Variants in RAD51B observed in about 807,000 individuals in gnomAD.
RAD51B encodes the protein RAD51 paralog B, also known as DNA repair protein RAD51 homolog 2.
In RAD51B, 38 loss-of-function variants were observed where a neutral mutation model predicts 42.2. The observed-to-expected ratio is 0.90, with a 90% CI of 0.70 to 1.18. The LOEUF (loss-of-function observed/expected upper bound fraction) is 1.18, where lower values mean the gene tolerates loss of function less well. Ranked by LOEUF, RAD51B falls within the 50% of genes most tolerant of loss-of-function variation. The pLI, the probability that RAD51B is intolerant of heterozygous loss-of-function variation, is 0.00. For missense variants in RAD51B, 373 were observed against 400.7 expected (o/e 0.93, Z 0.59); for synonymous variants, 154 against 145.2 (o/e 1.06, Z -0.43).
At chr14:68,151,979 G>T (rs2078397788) in intron 7 of RAD51B, among the ~76,000 whole-genome samples, 1 of 151,556 alleles carries the variant, frequency 6.6e-6, no homozygotes, top group Non-Finnish European at 1.5e-5. Context: ...GAGTAGCTGG[G>T]ATTACAGGCA....
chr14:68,560,789 A>G (rs966480404), intron 10 of RAD51B, among the ~76,000 whole-genome samples: 1 of 151,544 alleles, frequency 6.6e-6, no homozygotes, highest in Admixed American at 6.6e-5. Flanking sequence ...CCCGCCCCAC[A>G]CACACTTCTG....
At chr14:68,355,805 A>C (rs2082887092) in intron 8 of RAD51B, among the ~76,000 whole-genome samples, 2 of 152,222 alleles carry the variant, frequency 1.3e-5, no homozygotes, top group Non-Finnish European at 2.9e-5. Flanking sequence ...TTGTTAGAAA[A>C]CAAGAGTGTA....
intron 7 of RAD51B, among the ~76,000 whole-genome samples, chr14:68,117,811 A>G (rs2077575643): frequency 1.3e-5 from 2 of 152,198 alleles, no homozygotes; most frequent in South Asian, 2.1e-4. Context: ...AATGAGTGCT[A>G]TTCTTCAATG....
intron 8 of RAD51B, among the ~76,000 whole-genome samples, chr14:68,321,080 C>T (rs2082149405): frequency 6.6e-6 from 1 of 152,186 alleles, no homozygotes; most frequent in African/African-American, 2.4e-5. Context: ...GTTTCTCCTA[C>T]TTCCTGTTTC....
chr14:68,519,197 G>A (rs752784638), intron 10 of RAD51B, among the ~76,000 whole-genome samples: 3 of 152,146 alleles, frequency 2.0e-5, no homozygotes, highest in Non-Finnish European at 4.4e-5. Flanking sequence ...CCTCCACTGT[G>A]GCTATTGTCA....
intron 5 of RAD51B, among the ~76,000 whole-genome samples, chr14:67,881,363 G>T (rs913017386): frequency 6.6e-6 from 1 of 152,136 alleles, no homozygotes; most frequent in African/African-American, 2.4e-5. Context: ...CACCCTGTGT[G>T]GGCACTAGGA....
chr14:68,210,573 G>A (rs915240437), intron 7 of RAD51B, among the ~76,000 whole-genome samples: 1 of 152,142 alleles, frequency 6.6e-6, no homozygotes, highest in Non-Finnish European at 1.5e-5. Flanking sequence ...GTGGCCTTCA[G>A]TGAATTCTGC....
At chr14:68,001,075 T>C (rs892687208) in intron 7 of RAD51B, among the ~76,000 whole-genome samples, 1 of 152,200 alleles carries the variant, frequency 6.6e-6, no homozygotes, top group Non-Finnish European at 1.5e-5. Context: ...GTTAGATTTA[T>C]TCATGGGTTT....
At chr14:68,601,753 T>C (rs897755385) in intron 10 of RAD51B, among the ~76,000 whole-genome samples, 8 of 152,078 alleles carry the variant, frequency 5.3e-5, no homozygotes, top group Admixed American at 2.0e-4. Flanking sequence ...CTACCTCCCC[T>C]CCCTCTTGTC....
At chr14:68,574,679 GC>G (rs1327200773) in intron 10 of RAD51B, among the ~76,000 whole-genome samples, 2 of 152,230 alleles carry the variant, frequency 1.3e-5, no homozygotes, top group Non-Finnish European at 2.9e-5. Context: ...TACTGCAACA[GC>G]CCCGTGGTTT....
In RAD51B at chr14:68,172,855, G is replaced by T. The variant is rs527262274; in HGVS notation, c.757-119029G>T. 4.6e-5 allele frequency among the ~76,000 whole-genome samples: 7 copies of T among 152,238 alleles called. 1 individual carries two copies. The highest frequency in any genetic ancestry group is 1.7e-4 in the African/African-American group (7 of 41,536). On this transcript the variant is annotated intron_variant, in intron 7 of 10. Transcript: ENST00000471583. Reference sequence around the variant, plus strand: ...TAACTAGTATTGGCCTCCCTTCCCAGTAGTTTGCCCTTCCTGTATTGTAGT... The same window carrying T: ...TAACTAGTATTGGCCTCCCTTCCCATTAGTTTGCCCTTCCTGTATTGTAGT...
At chr14:68,567,183 T>C (rs1246807224) in intron 10 of RAD51B, among the ~76,000 whole-genome samples, 2 of 151,982 alleles carry the variant, frequency 1.3e-5, no homozygotes, top group East Asian at 3.9e-4. Context: ...CCTGTAATCC[T>C]AGCTACTCGG....
At chr14:67,875,048 G>A (rs1169055623) in intron 5 of RAD51B, among the ~76,000 whole-genome samples, 1 of 152,152 alleles carries the variant, frequency 6.6e-6, no homozygotes, top group Non-Finnish European at 1.5e-5. Flanking sequence ...GAAAAACTGA[G>A]GGATGTAGGG....
intron 7 of RAD51B, among the ~76,000 whole-genome samples, chr14:68,159,350 G>A (rs754096544): frequency 2.8e-4 from 42 of 152,020 alleles, no homozygotes; most frequent in Non-Finnish European, 5.6e-4. Flanking sequence ...GGCTGGTCAC[G>A]GTGGCTCACG....
intron 7 of RAD51B, among the ~76,000 whole-genome samples, chr14:68,004,876 G>C (rs917395892): frequency 1.3e-5 from 2 of 151,518 alleles, no homozygotes; most frequent in African/African-American, 4.9e-5. Context: ...TTTTTTTTTG[G>C]TATATGGCCT....
chr14:67,932,300 G>A (rs2044768219), intron 7 of RAD51B, among the ~76,000 whole-genome samples: 1 of 152,154 alleles, frequency 6.6e-6, no homozygotes, highest in African/African-American at 2.4e-5. Flanking sequence ...TGTAGTCTCT[G>A]TATTATTTCT....
rs533943017 is a variant in RAD51B, at chr14:68,148,162, A to AT, written c.757-143720dup. Among the ~76,000 whole-genome samples, 560 of 152,236 alleles carry AT rather than the reference A, an allele frequency of 3.7e-3. 1 individual carries two copies. The highest frequency in any genetic ancestry group is 6.8e-3 in the Middle Eastern group (2 of 294). On this transcript the variant is annotated intron_variant, in intron 7 of 10. Transcript: ENST00000471583. The stretch of plus-strand genomic sequence containing the variant: ...ATGTTGTTGCATGTATCAGTACTTC[A>AT]TTACTTTTTCCTGCAAAGTAGTTTT...
intron 5 of RAD51B, among the ~76,000 whole-genome samples, chr14:67,880,096 C>T (rs2042858081): frequency 1.3e-5 from 2 of 152,230 alleles, no homozygotes; most frequent in Middle Eastern, 6.8e-3. Context: ...CATTTTATTA[C>T]TCAATATAAA....
chr14:68,088,752 T>A (rs573775765), intron 7 of RAD51B, among the ~76,000 whole-genome samples: 3 of 152,204 alleles, frequency 2.0e-5, no homozygotes, highest in African/African-American at 7.2e-5. Flanking sequence ...TGTTTTTTCC[T>A]GCATGAGAGA....
Sources: allele counts gnomAD v4.1 joint callset (sites outside exome capture counted in the v4.1 genomes callset), GRCh38; gene constraint gnomAD v4.1.1; transcripts MANE v1.5; gene names NCBI Gene and HGNC (gene_info 2026-07-23, HGNC 2026-07-21).